Variants in TMPRSS5 observed in about 807,000 individuals in gnomAD.
TMPRSS5 encodes transmembrane protease serine 5.
A neutral mutation model predicts 59.7 loss-of-function variants in TMPRSS5; 45 were observed. That is an observed-to-expected ratio of 0.75 (90% CI 0.59 to 0.97). TMPRSS5 has a LOEUF of 0.97. Among genes scored for constraint, TMPRSS5 ranks in the 50% least tolerant of loss-of-function variants. The pLI is 0.00. For missense variants in TMPRSS5, 585 were observed against 596.7 expected (o/e 0.98, Z 0.20); for synonymous variants, 225 against 232.0 (o/e 0.97, Z 0.27).
At chr11:113,701,334 A>T (rs61595487) in intron 1 of TMPRSS5, among the ~76,000 whole-genome samples, 26,673 of 151,976 alleles carry the variant, frequency 0.18, 2,391 homozygotes, top group African/African-American at 0.2. Context: ...TGATAGTGAT[A>T]TGGACAATGA....
intron 4 of TMPRSS5, 114 bp from the exon 5 acceptor site, chr11:113,697,532 G>C: frequency 7.7e-7 from 1 of 1,298,660 alleles, no homozygotes; most frequent in Non-Finnish European, 1.1e-6. Flanking sequence ...ACAGCATCTG[G>C]ATCACCCAGT....
chr11:113,700,147 G>A lies in TMPRSS5; in HGVS notation c.25C>T (p.Pro9Ser), dbSNP rs1232619022. Reference sequence around the variant, plus strand: ...TCTGCATACTGGGCCTCCATAGGGGGTTGGTCATCCAGCATCAGGCTCTGG... The same window carrying A: ...TCTGCATACTGGGCCTCCATAGGGGATTGGTCATCCAGCATCAGGCTCTGG... The part of the protein sequence containing the change: MSLMLDDQ[P>S]PMEAQYAEEG... Residue 9 changes from proline to serine, a missense_variant, in exon 2 of 13, where the codon CCC (proline) becomes TCC (serine). Physicochemically the swap from Pro to Ser is moderately conservative, Grantham distance 74. Coordinates refer to ENST00000299882, the MANE Select transcript of TMPRSS5 (RefSeq NM_030770.4). The A allele has an allele frequency of 2.5e-6, 4 of 1,576,960 alleles. No homozygotes were observed. Among genetic ancestry groups the A allele is most frequent in the East Asian group, 2.3e-5 (1 of 43,868 alleles).
intron 4 of TMPRSS5, 43 bp downstream of exon 4, chr11:113,698,862 C>A (rs999900453): frequency 1.3e-6 from 2 of 1,561,942 alleles, no homozygotes; most frequent in South Asian, 1.2e-5. Flanking sequence ...GTGACAGGTC[C>A]CTGCTGGGGA....
chr11:113,703,282 T>C (rs951254969), intron 1 of TMPRSS5, among the ~76,000 whole-genome samples: 9 of 152,344 alleles, frequency 5.9e-5, no homozygotes, highest in African/African-American at 2.2e-4. Context: ...GACTGCCCTA[T>C]TGGATTTCAG....
intron 1 of TMPRSS5, among the ~76,000 whole-genome samples, chr11:113,702,767 T>C (rs960445081): frequency 2.6e-5 from 4 of 152,200 alleles, no homozygotes; most frequent in African/African-American, 7.2e-5. Context: ...GGGGACAAGG[T>C]ACAGCTCAGA....
chr11:113,697,183 T>G, intron 5 of TMPRSS5, 100 bp downstream of exon 5: 4 of 1,495,658 alleles, frequency 2.7e-6, no homozygotes, highest in Non-Finnish European at 3.6e-6. Flanking sequence ...TGACATTTCC[T>G]GAGCACATTG....
intron 10 of TMPRSS5, 109 bp downstream of exon 10, chr11:113,690,732 A>G (rs947082491): frequency 3.7e-6 from 4 of 1,075,180 alleles, no homozygotes; most frequent in Non-Finnish European, 5.5e-6. Context: ...TGCCAGGGAA[A>G]AACAGGGCTG....
chr11:113,690,729 GA>G, intron 10 of TMPRSS5, 111 bp downstream of exon 10: 3 of 1,045,788 alleles, frequency 2.9e-6, no homozygotes, highest in Non-Finnish European at 4.3e-6. Context: ...TGATGCCAGG[GA>G]AAAACAGGGC....
At position 113,690,388 on chromosome 11, in the gene TMPRSS5, G is replaced by A. The variant is rs374257503; in HGVS notation, c.1064-15C>T. The A allele has an allele frequency of 4.7e-5, 75 of 1,597,238 alleles. No individual in the cohort carries two copies. In the Middle Eastern group the frequency reaches 5.0e-4, roughly 11 times the overall value. On this transcript the variant is annotated splice_polypyrimidine_tract_variant and intron_variant, in intron 10 of 12. Coordinates refer to ENST00000299882, the MANE Select transcript of TMPRSS5 (RefSeq NM_030770.4). Reference sequence around the variant, plus strand: ...CGAGCTGTAAGCTATGAGAGACACCGAGAAAAACTGCAGGGCACAAAGCAA... The same window carrying A: ...CGAGCTGTAAGCTATGAGAGACACCAAGAAAAACTGCAGGGCACAAAGCAA...
Position 113,700,063 on chromosome 11 carries a change from TACTG to T in TMPRSS5, c.105_106+2del, listed in dbSNP as rs1325340064. 3.3e-5 allele frequency: 52 copies of T among 1,561,634 alleles called. No homozygotes were observed. The highest frequency in any genetic ancestry group is 4.5e-5 in the Non-Finnish European group (52 of 1,152,330). On this transcript the variant is annotated splice_donor_variant and coding_sequence_variant, in exon 2 of 13. Transcript: ENST00000299882. LOFTEE classifies it high-confidence loss of function. Reference sequence around the variant, plus strand: ...CATTCCCCTATGGCCCAGTCTGGCCTACTGGGATGCTGCTGGTCTCCAGGCTCTG... The same window carrying T: ...CATTCCCCTATGGCCCAGTCTGGCCTGGATGCTGCTGGTCTCCAGGCTCTG...
At chr11:113,699,882 C>T (rs971405716) in intron 2 of TMPRSS5, 184 bp downstream of exon 2, 2 of 1,489,528 alleles carry the variant, frequency 1.3e-6, no homozygotes, top group Non-Finnish European at 1.8e-6. Flanking sequence ...CACTGAAGCC[C>T]ACAAATCCCA....
intron 10 of TMPRSS5, among the ~76,000 whole-genome samples, chr11:113,690,635 TG>T (rs1331191788): frequency 6.6e-6 from 1 of 151,936 alleles, no homozygotes; most frequent in Non-Finnish European, 1.5e-5. Context: ...TAAAAGGGTC[TG>T]GGTTTAGGGA....
chr11:113,700,393 C>T (rs1459833407), intron 1 of TMPRSS5, among the ~76,000 whole-genome samples: 1 of 152,198 alleles, frequency 6.6e-6, no homozygotes, highest in African/African-American at 2.4e-5. Flanking sequence ...TCTCACATGG[C>T]CAGTAGCAAA....
chr11:113,690,734 A>C, intron 10 of TMPRSS5, 107 bp downstream of exon 10: 2 of 1,079,830 alleles, frequency 1.9e-6, no homozygotes, highest in Non-Finnish European at 1.4e-6. Flanking sequence ...CCAGGGAAAA[A>C]CAGGGCTGGC....
chr11:113,690,176 G>GCCCCCCCCCCCCCCCCCCCCCCCCC, intron 11 of TMPRSS5, 55 bp downstream of exon 11: 7 of 388,220 alleles, frequency 1.8e-5, no homozygotes, highest in South Asian at 1.3e-4. Flanking sequence ...CAGGCCCCCT[G>GCCCCCCCCCCCCCCCCCCCCCCCCC]CCCTCCCACC....
intron 1 of TMPRSS5, among the ~76,000 whole-genome samples, chr11:113,705,021 A>G (rs79359295): frequency 0.082 from 12,479 of 152,190 alleles, 643 homozygotes; most frequent in African/African-American, 0.15. Flanking sequence ...CTTCCCCCCA[A>G]AATTTATAAT....
At chr11:113,693,323 G>A in intron 8 of TMPRSS5, 74 bp from the exon 9 acceptor site, 1 of 1,429,162 alleles carries the variant, frequency 7.0e-7, no homozygotes, top group Non-Finnish European at 9.2e-7. Flanking sequence ...AGCAGGTGGA[G>A]GAAGCTGGCC....
Position 113,696,810 on chromosome 11 carries a change from A to C in TMPRSS5, c.578+48T>G, listed in dbSNP as rs45497194. The C allele has an allele frequency of 6.4e-3, 8,551 of 1,336,050 alleles. 53 individuals carry two copies. The highest frequency in any genetic ancestry group is 7.0e-3 in the Admixed American group (353 of 50,410). The allele number at this position is 1,336,050 out of a possible 1,614,324, so 82.8% of individuals were successfully genotyped here. Reference sequence around the variant, plus strand: ...AAAGGAGATTTTTGCTGGATTGACCACCAGGAAGTAAGGGACCCCACTCAC... The same window carrying C: ...AAAGGAGATTTTTGCTGGATTGACCCCCAGGAAGTAAGGGACCCCACTCAC... On this transcript the variant is annotated intron_variant, in intron 6 of 12. Coordinates refer to ENST00000299882, the MANE Select transcript of TMPRSS5 (RefSeq NM_030770.4).
At chr11:113,703,521 A>C (rs1953198898) in intron 1 of TMPRSS5, among the ~76,000 whole-genome samples, 1 of 152,218 alleles carries the variant, frequency 6.6e-6, no homozygotes, top group Non-Finnish European at 1.5e-5. Context: ...TTGGAAAGGC[A>C]TGATTGTGTT....
Sources: gnomAD v4.1 joint callset for allele counts (sites outside exome capture counted in the v4.1 genomes callset) on GRCh38, gnomAD v4.1.1 for gene constraint, MANE v1.5 for transcripts, NCBI Gene and HGNC (gene_info 2026-07-23, HGNC 2026-07-21) for gene names.